OR1J2: variants seen among roughly 807,000 people sequenced by gnomAD.
OR1J2 encodes olfactory receptor 1J2.
For missense variants in OR1J2, 304 were observed against 246.1 expected (o/e 1.24, Z -1.57); for synonymous variants, 142 against 99.7 (o/e 1.42, Z -2.52).
the OR1J2 span, among the ~76,000 whole-genome samples, chr9:122,549,745 G>C: frequency 6.6e-6 from 1 of 152,068 alleles, no homozygotes; most frequent in Non-Finnish European, 1.5e-5. Context: ...CTAGTACCAT[G>C]TTGTTTTGGT....
the OR1J2 span, among the ~76,000 whole-genome samples, chr9:122,501,239 G>T: frequency 2.0e-4 from 31 of 152,260 alleles, no homozygotes; most frequent in Non-Finnish European, 4.1e-4. Context: ...GTGAACCGTT[G>T]TTGAATTTCA....
the OR1J2 span, among the ~76,000 whole-genome samples, chr9:122,496,337 A>G: frequency 6.6e-6 from 1 of 152,124 alleles, no homozygotes; most frequent in Non-Finnish European, 1.5e-5. Context: ...GGGTTGAGAA[A>G]GACCACCAGG....
chr9:122,452,407 A>G, the OR1J2 span, among the ~76,000 whole-genome samples: 1 of 152,164 alleles, frequency 6.6e-6, no homozygotes, highest in Admixed American at 6.5e-5. Flanking sequence ...GCCATAGGTT[A>G]GGTTGGCCAT....
chr9:122,506,492 T>C (rs143642020), upstream of OR1J2, among the ~76,000 whole-genome samples: 33 of 152,286 alleles, frequency 2.2e-4, no homozygotes, highest in African/African-American at 6.7e-4. Context: ...GTAGCTTTTA[T>C]TCTTGGTGTC....
chr9:122,531,724 C>G, the OR1J2 span, among the ~76,000 whole-genome samples: 1 of 152,184 alleles, frequency 6.6e-6, no homozygotes, highest in South Asian at 2.1e-4. Context: ...AAAGGTTTCA[C>G]TGAATACCAA....
At chr9:122,547,036 A>G in the OR1J2 span, among the ~76,000 whole-genome samples, 1 of 152,268 alleles carries the variant, frequency 6.6e-6, no homozygotes, top group African/African-American at 2.4e-5. Flanking sequence ...GGTATAGAAC[A>G]CTAGAACTTA....
At chr9:122,535,872 C>T in the OR1J2 span, among the ~76,000 whole-genome samples, 16 of 151,900 alleles carry the variant, frequency 1.1e-4, no homozygotes, top group African/African-American at 2.7e-4. Context: ...GGGGTGGGGC[C>T]GTTTTTATAA....
chr9:122,531,910 C>T, the OR1J2 span, among the ~76,000 whole-genome samples: 3,157 of 152,276 alleles, frequency 0.021, 97 homozygotes, highest in African/African-American at 0.071. Flanking sequence ...AAGTGTCTAC[C>T]TAGACCAAGA....
the OR1J2 span, among the ~76,000 whole-genome samples, chr9:122,529,835 G>C: frequency 1.3e-5 from 2 of 152,180 alleles, no homozygotes; most frequent in Admixed American, 6.5e-5. Context: ...GATGGACAGA[G>C]TATTCCAAAC....
chr9:122,497,885 T>A, the OR1J2 span, among the ~76,000 whole-genome samples: 1 of 152,190 alleles, frequency 6.6e-6, no homozygotes, highest in African/African-American at 2.4e-5. Context: ...TGTCTCTATT[T>A]TCATTTATTT....
the OR1J2 span, among the ~76,000 whole-genome samples, chr9:122,504,874 G>A: frequency 6.6e-6 from 1 of 152,144 alleles, no homozygotes; most frequent in Non-Finnish European, 1.5e-5. Flanking sequence ...ATACAATGGA[G>A]TTGTCCTTCC....
At chr9:122,475,847 A>G in the OR1J2 span, 1 of 152,202 alleles carries the variant, frequency 6.6e-6, no homozygotes, top group Non-Finnish European at 1.5e-5. Flanking sequence ...GAAGTTGTTT[A>G]TATCCTCTTC....
rs751200072 is a variant in OR1J2 at position 122,511,003 on chromosome 9, C to G, written c.202C>G (p.Leu68Val). The stretch of plus-strand genomic sequence containing the variant: ...GTACTTCTTCCTCAGCCACTTGGCT[C>G]TCACTGACATCTCCTTTTCATCTGT... Reference protein sequence around the residue: ...PMYFFLSHLALTDISFSSVTV... With the variant: ...PMYFFLSHLAVTDISFSSVTV... The change falls in exon 1 of 1, where the codon CTC becomes GTC. Residue 68 changes from leucine (L) to valine (V), a missense_variant. By Grantham distance (32) the Leu-to-Val change is conservative. Transcript: ENST00000335302. 6.2e-7 allele frequency: 1 copy of G among 1,605,684 alleles called. No homozygotes were observed. The highest frequency in any genetic ancestry group is 8.5e-7 in the Non-Finnish European group (1 of 1,172,944).
chr9:122,550,041 G>A, the OR1J2 span, among the ~76,000 whole-genome samples: 1 of 148,904 alleles, frequency 6.7e-6, no homozygotes, highest in African/African-American at 2.5e-5. Context: ...TCTTTCTTCA[G>A]TGTTTTGTAG....
At chr9:122,449,661 G>T in the OR1J2 span, among the ~76,000 whole-genome samples, 1 of 152,084 alleles carries the variant, frequency 6.6e-6, no homozygotes, top group Non-Finnish European at 1.5e-5. Flanking sequence ...GAGCCACCGC[G>T]CCCGGCCTAT....
the OR1J2 span, among the ~76,000 whole-genome samples, chr9:122,493,922 A>T: frequency 6.6e-6 from 1 of 151,640 alleles, no homozygotes. Flanking sequence ...AAGAATTTTT[A>T]AAATTTCATT....
At chr9:122,556,987 G>A in the OR1J2 span, among the ~76,000 whole-genome samples, 1 of 151,952 alleles carries the variant, frequency 6.6e-6, no homozygotes, top group Non-Finnish European at 1.5e-5. Flanking sequence ...TAACAAATTG[G>A]GGGCTGCTAG....
chr9:122,573,554 G>A, the OR1J2 span, among the ~76,000 whole-genome samples: 1 of 152,174 alleles, frequency 6.6e-6, no homozygotes, highest in Non-Finnish European at 1.5e-5. Flanking sequence ...TTTGCTGAGT[G>A]TCTGTTAAGA....
At chr9:122,483,613 C>A in the OR1J2 span, among the ~76,000 whole-genome samples, 2 of 152,128 alleles carry the variant, frequency 1.3e-5, no homozygotes, top group Non-Finnish European at 2.9e-5. Context: ...TTAAAAATTT[C>A]TTTGTAGTGG....
Sources: allele counts gnomAD v4.1 joint callset (sites outside exome capture counted in the v4.1 genomes callset), GRCh38; gene constraint gnomAD v4.1.1; transcripts MANE v1.5; gene names NCBI Gene and HGNC (gene_info 2026-07-23, HGNC 2026-07-21).